ATP8A1: variants seen among roughly 807,000 people sequenced by gnomAD.
ATP8A1 encodes ATPase phospholipid transporting 8A1.
ATP8A1 carries 90 observed loss-of-function variants against 177.7 expected under a neutral mutation model. The ratio of observed to expected loss-of-function variants is 0.51; its 90% CI spans 0.43 to 0.60. ATP8A1 has a LOEUF of 0.60. ATP8A1 is among the 20% of genes least tolerant of loss of function. The pLI is 0.00. For synonymous variants in ATP8A1, 493 were observed against 485.9 expected, an observed-to-expected ratio of 1.01 and a Z score of -0.19; for missense variants, 1,072 against 1,392.8, an observed-to-expected ratio of 0.77 and a Z score of 3.67.
intron 15 of ATP8A1, among the ~76,000 whole-genome samples, chr4:42,559,086 A>C (rs566100581): frequency 3.3e-5 from 5 of 152,268 alleles, no homozygotes; most frequent in African/African-American, 9.6e-5. Flanking sequence ...CTTGGGAGGC[A>C]GAAGTGGGAG....
At position 42,616,055 on chromosome 4, in the gene ATP8A1, T is replaced by G; in HGVS notation, c.387A>C (p.Ala129=). ...EDIKRHKADN[A]VNKKQTQVLR... Reference sequence around the variant, plus strand: ...TACCTTGCGTTTGTTTCTTGTTCACTGCATTATCAGCTTTATGTCGTTTCT... The same window carrying G: ...TACCTTGCGTTTGTTTCTTGTTCACGGCATTATCAGCTTTATGTCGTTTCT... Residue 129 remains alanine, a synonymous_variant, in exon 5 of 37, where the codon GCA becomes GCC. Coordinates refer to ENST00000381668, the MANE Select transcript of ATP8A1 (RefSeq NM_006095.2). 6.2e-7 allele frequency: 1 copy of G among 1,612,250 alleles called. No individual in the cohort carries two copies. Among genetic ancestry groups the G allele is most frequent in the Admixed American group, 1.7e-5 (1 of 59,758 alleles).
chr4:42,594,015 G>T (rs577982160), intron 6 of ATP8A1, among the ~76,000 whole-genome samples: 1 of 152,134 alleles, frequency 6.6e-6, no homozygotes, highest in South Asian at 2.1e-4. Context: ...TCTTAAAAGA[G>T]TTATGATCCC....
chr4:42,456,401 G>A (rs1358116204), intron 27 of ATP8A1, among the ~76,000 whole-genome samples: 1 of 151,940 alleles, frequency 6.6e-6, no homozygotes, highest in Non-Finnish European at 1.5e-5. Context: ...TTAAATTTGA[G>A]TTTATATATT....
chr4:42,513,387 T>A (rs980578790), intron 22 of ATP8A1, among the ~76,000 whole-genome samples: 5 of 152,188 alleles, frequency 3.3e-5, no homozygotes, highest in African/African-American at 1.2e-4. Flanking sequence ...TACTCTTATG[T>A]GAGTACAAAG....
At chr4:42,650,501 T>C (rs1740981258) in intron 1 of ATP8A1, among the ~76,000 whole-genome samples, 1 of 152,218 alleles carries the variant, frequency 6.6e-6, no homozygotes, top group Non-Finnish European at 1.5e-5. Context: ...AGTCATCTTT[T>C]ACCTGGAATA....
chr4:42,578,180 C>G (rs900769772), intron 12 of ATP8A1, 80 bp downstream of exon 12: 29 of 1,343,594 alleles, frequency 2.2e-5, no homozygotes, highest in Non-Finnish European at 2.4e-5. Flanking sequence ...ATAATTAAAA[C>G]CTTTTTTCTC....
At chr4:42,591,555 G>C (rs1734181671) in intron 6 of ATP8A1, among the ~76,000 whole-genome samples, 2 of 152,082 alleles carry the variant, frequency 1.3e-5, no homozygotes, top group South Asian at 4.1e-4. Context: ...TCTAGAGAAT[G>C]CATTGTTTTG....
In ATP8A1 at chr4:42,586,489, T is replaced by G. The variant is rs540113627; in HGVS notation, c.595-13A>C. 4 of 1,611,804 alleles carry G rather than the reference T, an allele frequency of 2.5e-6. No homozygotes were observed. In the East Asian group the frequency reaches 6.7e-5, roughly 27 times the overall value. On this transcript the variant is annotated splice_polypyrimidine_tract_variant and intron_variant, in intron 8 of 36. Coordinates refer to ENST00000381668, the MANE Select transcript of ATP8A1 (RefSeq NM_006095.2). ...TTGCTGGTAAGCCCTGTTTGGAATT[T>G]TTAAATAAGCAAAAAGTATATTAAA...
intron 20 of ATP8A1, among the ~76,000 whole-genome samples, chr4:42,538,627 A>C (rs1313781113): frequency 6.6e-6 from 1 of 152,252 alleles, no homozygotes; most frequent in Non-Finnish European, 1.5e-5. Flanking sequence ...AAAAGAAGAT[A>C]TACAAATGGT....
chr4:42,460,901 T>C (rs779014358), intron 27 of ATP8A1, among the ~76,000 whole-genome samples: 2 of 152,154 alleles, frequency 1.3e-5, no homozygotes, highest in African/African-American at 2.4e-5. Context: ...TGATAACACC[T>C]AGAATTACTA....
chr4:42,437,389 G>A (rs1716113765), intron 33 of ATP8A1, among the ~76,000 whole-genome samples: 1 of 152,044 alleles, frequency 6.6e-6, no homozygotes, highest in Non-Finnish European at 1.5e-5. Context: ...GGCCTACCTT[G>A]CCCCATAAAT....
At position 42,584,323 on chromosome 4, in the gene ATP8A1, A is replaced by G. The variant is rs192795685; in HGVS notation, c.722+2026T>C. 2.9e-3 allele frequency among the ~76,000 whole-genome samples: 448 copies of G among 152,300 alleles called. 6 individuals carry two copies. Among genetic ancestry groups the G allele is most frequent in the Admixed American group, 0.024 (363 of 15,296 alleles). Reference sequence around the variant, plus strand: ...CAGGAAAGACTTCACCTTTTCTGCCAGTTTCTGCCTCATTTCTTTGCTCTC... The same window carrying G: ...CAGGAAAGACTTCACCTTTTCTGCCGGTTTCTGCCTCATTTCTTTGCTCTC... On this transcript the variant is annotated intron_variant, in intron 9 of 36. Transcript: ENST00000381668.
At chr4:42,595,355 T>C (rs1039945495) in intron 6 of ATP8A1, among the ~76,000 whole-genome samples, 5 of 152,176 alleles carry the variant, frequency 3.3e-5, no homozygotes, top group Non-Finnish European at 5.9e-5. Flanking sequence ...GTCTATTATT[T>C]ACCAAAAGAA....
intron 5 of ATP8A1, among the ~76,000 whole-genome samples, chr4:42,605,730 G>A (rs950809329): frequency 3.3e-5 from 5 of 152,026 alleles, no homozygotes; most frequent in Non-Finnish European, 5.9e-5. Flanking sequence ...GACCTTTTGC[G>A]AATCTTTGTC....
intron 5 of ATP8A1, among the ~76,000 whole-genome samples, chr4:42,613,831 G>A (rs751762328): frequency 3.3e-5 from 5 of 151,698 alleles, no homozygotes; most frequent in Non-Finnish European, 7.4e-5. Flanking sequence ...CGATCCATCC[G>A]CCTCAGCCTC....
chr4:42,538,033 G>A (rs1381786456), intron 20 of ATP8A1, among the ~76,000 whole-genome samples: 1 of 152,236 alleles, frequency 6.6e-6, no homozygotes, highest in East Asian at 1.9e-4. Flanking sequence ...TAAGGCCATA[G>A]TCACCAAAAC....
At chr4:42,514,744 C>T (rs781696199) in intron 22 of ATP8A1, among the ~76,000 whole-genome samples, 7 of 152,124 alleles carry the variant, frequency 4.6e-5, no homozygotes, top group Non-Finnish European at 7.3e-5. Flanking sequence ...GGAATTAAGA[C>T]AGAACAGGGA....
intron 33 of ATP8A1, among the ~76,000 whole-genome samples, chr4:42,425,459 C>G (rs949824834): frequency 7.9e-5 from 12 of 152,102 alleles, no homozygotes; most frequent in Admixed American, 7.9e-4. Flanking sequence ...TATCTGAAAG[C>G]CTGTCAGTTT....
intron 33 of ATP8A1, among the ~76,000 whole-genome samples, chr4:42,426,899 T>C (rs1714687277): frequency 6.6e-6 from 1 of 152,114 alleles, no homozygotes; most frequent in South Asian, 2.1e-4. Context: ...ATTTAGAAAA[T>C]GGAGAAAAAT....
Sources: allele counts gnomAD v4.1 joint callset (sites outside exome capture counted in the v4.1 genomes callset), GRCh38; gene constraint gnomAD v4.1.1; transcripts MANE v1.5; gene names NCBI Gene and HGNC (gene_info 2026-07-23, HGNC 2026-07-21).